MYOM1: variants seen among roughly 807,000 people sequenced by gnomAD.
The protein encoded by MYOM1 is myomesin 1.
In MYOM1, 164 loss-of-function variants were observed where a neutral mutation model predicts 205.3. That is an observed-to-expected ratio of 0.80 (90% CI 0.70 to 0.91). MYOM1 has a LOEUF of 0.91. Among genes scored for constraint, MYOM1 ranks in the 40% least tolerant of loss-of-function variants. MYOM1 has a pLI of 0.00. For synonymous variants in MYOM1, 772 were observed against 789.4 expected, an observed-to-expected ratio of 0.98 and a Z score of 0.37; for missense variants, 2,011 against 2,127.3, an observed-to-expected ratio of 0.95 and a Z score of 1.08.
chr18:3,161,898 C>T (rs934362324), intron 10 of MYOM1, among the ~76,000 whole-genome samples: 1 of 152,126 alleles, frequency 6.6e-6, no homozygotes, highest in African/African-American at 2.4e-5. Context: ...ACCCCTTTGA[C>T]AAGCCGGTAA....
intron 2 of MYOM1, among the ~76,000 whole-genome samples, chr18:3,199,605 G>T (rs981023525): frequency 1.6e-4 from 24 of 152,198 alleles, no homozygotes; most frequent in African/African-American, 5.8e-4. Flanking sequence ...ACTTTGGGAG[G>T]CCAAGGTGGG....
the MYOM1 span, among the ~76,000 whole-genome samples, chr18:3,245,195 A>G: frequency 6.6e-6 from 1 of 152,238 alleles, no homozygotes; most frequent in African/African-American, 2.4e-5. Flanking sequence ...AAAGAACAGA[A>G]TAGAAATCCT....
chr18:3,116,184 C>A, intron 21 of MYOM1, 147 bp downstream of exon 21: 1 of 808,284 alleles, frequency 1.2e-6, no homozygotes, highest in South Asian at 2.2e-5. Context: ...CTTCTCCCAG[C>A]CCCAACCTCT....
intron 5 of MYOM1, among the ~76,000 whole-genome samples, chr18:3,186,311 G>A (rs2080808610): frequency 6.6e-6 from 1 of 152,154 alleles, no homozygotes; most frequent in African/African-American, 2.4e-5. Context: ...GAAAAGAAAG[G>A]AGAAGGACGC....
At chr18:3,190,070 A>G (rs1043208041) in intron 3 of MYOM1, among the ~76,000 whole-genome samples, 1 of 151,976 alleles carries the variant, frequency 6.6e-6, no homozygotes, top group Admixed American at 6.6e-5. Context: ...GGTGACGTTT[A>G]TAAATGTGAC....
rs748552362 is a variant in MYOM1 at position 3,100,210 on chromosome 18, G to A, written c.3683-7C>T. 1.9e-6 allele frequency: 3 copies of A among 1,613,844 alleles called. No individual in the cohort carries two copies. The East Asian group carries it at 6.7e-5, about 36-fold the overall frequency. ...GCAAGTAAACGTTTCAATTCTGTAG[G>A]GGGAAAAAGAAGGCAGTTAAACCTT... On this transcript the variant is annotated splice_polypyrimidine_tract_variant and splice_region_variant and intron_variant, in intron 24 of 37. Transcript: ENST00000356443.
At chr18:3,068,833 G>C (rs1366923667) in intron 37 of MYOM1, among the ~76,000 whole-genome samples, 4 of 152,170 alleles carry the variant, frequency 2.6e-5, no homozygotes, top group South Asian at 2.1e-4. Context: ...TTTGTGTACA[G>C]GTTTTTATGT....
At chr18:3,213,883 T>C (rs1204147312) in intron 2 of MYOM1, among the ~76,000 whole-genome samples, 1 of 152,248 alleles carries the variant, frequency 6.6e-6, no homozygotes, top group African/African-American at 2.4e-5. Flanking sequence ...ACATTTATCT[T>C]AACTTTATTG....
At chr18:3,089,642 TA>T (rs752120957) in intron 27 of MYOM1, 46 bp from the exon 28 acceptor site, 1 of 1,492,660 alleles carries the variant, frequency 6.7e-7, no homozygotes, top group South Asian at 1.2e-5. Context: ...TTGGGTGGTA[TA>T]AATGCACATG....
intron 33 of MYOM1, among the ~76,000 whole-genome samples, chr18:3,081,228 T>C (rs1041185511): frequency 6.6e-6 from 1 of 152,186 alleles, no homozygotes; most frequent in Non-Finnish European, 1.5e-5. Context: ...GTAACATGAA[T>C]AAGGGTACCT....
At chr18:3,118,791 G>T (rs903983664) in intron 20 of MYOM1, among the ~76,000 whole-genome samples, 1 of 152,126 alleles carries the variant, frequency 6.6e-6, no homozygotes, top group African/African-American at 2.4e-5. Flanking sequence ...ATACCAACTG[G>T]CCTCAAGGAA....
chr18:3,200,120 G>C (rs777578427), intron 2 of MYOM1, among the ~76,000 whole-genome samples: 2 of 151,906 alleles, frequency 1.3e-5, no homozygotes, highest in Non-Finnish European at 2.9e-5. Context: ...ACAAAACTGA[G>C]ATCACACCAC....
chr18:3,200,249 A>G (rs2081048624), intron 2 of MYOM1, among the ~76,000 whole-genome samples: 1 of 152,232 alleles, frequency 6.6e-6, no homozygotes, highest in Admixed American at 6.5e-5. Context: ...CACTCTGAGG[A>G]AAATTCAGAA....
intron 26 of MYOM1, among the ~76,000 whole-genome samples, chr18:3,093,384 A>G (rs2079253083): frequency 1.3e-5 from 2 of 152,182 alleles, no homozygotes; most frequent in Admixed American, 1.3e-4. Flanking sequence ...GGGAGGACAA[A>G]TAAAACTTAG....
chr18:3,136,063 G>A (rs7237241), intron 14 of MYOM1, among the ~76,000 whole-genome samples: 112,527 of 151,966 alleles, frequency 0.74, 42,816 homozygotes, highest in African/African-American at 0.92. Flanking sequence ...GTGGTAGTGA[G>A]TAAGTCTCAT....
At position 3,193,733 on chromosome 18, in the gene MYOM1, A is replaced by T. The variant is rs73940120; in HGVS notation, c.431+85T>A. ...CTGCTATTTCTATAATCTGTCCACA[A>T]CAATTATGACTATAATCTGCCATTC... On this transcript the variant is annotated intron_variant, in intron 3 of 37. Coordinates refer to ENST00000356443, the MANE Select transcript of MYOM1 (RefSeq NM_003803.4). 1.8e-3 allele frequency: 2,444 copies of T among 1,372,644 alleles called. 40 individuals are homozygous for T. In the African/African-American group the frequency reaches 0.028, roughly 16 times the overall value. 85.0% of individuals were successfully genotyped at this position (1,372,644 alleles called of 1,614,324 possible).
At chr18:3,176,490 T>C (rs1022902018) in intron 5 of MYOM1, among the ~76,000 whole-genome samples, 3 of 152,068 alleles carry the variant, frequency 2.0e-5, no homozygotes, top group African/African-American at 7.2e-5. Context: ...AACTAATTAA[T>C]GCTACTAGAA....
At chr18:3,186,347 C>T (rs1236459639) in intron 5 of MYOM1, among the ~76,000 whole-genome samples, 1 of 152,190 alleles carries the variant, frequency 6.6e-6, no homozygotes, top group East Asian at 1.9e-4. Context: ...CAGTGACATT[C>T]ATGTAGTGTT....
intron 14 of MYOM1, among the ~76,000 whole-genome samples, chr18:3,136,220 T>G (rs1260973798): frequency 6.6e-6 from 1 of 152,044 alleles, no homozygotes; most frequent in Non-Finnish European, 1.5e-5. Flanking sequence ...TTAAACCTCT[T>G]TTTCTTTATA....
Sources: allele counts gnomAD v4.1 joint callset (sites outside exome capture counted in the v4.1 genomes callset), GRCh38; gene constraint gnomAD v4.1.1; transcripts MANE v1.5; gene names NCBI Gene and HGNC (gene_info 2026-07-23, HGNC 2026-07-21).